Variants in TET1 observed in about 807,000 individuals in gnomAD.
TET1 encodes tet methylcytosine dioxygenase 1.
A neutral mutation model predicts 148.7 loss-of-function variants in TET1; 13 were observed. The ratio of observed to expected loss-of-function variants is 0.09; its 90% confidence interval spans 0.06 to 0.14. The LOEUF is 0.14. TET1 is among the 10% of genes least tolerant of loss of function. The pLI is 1.00. For synonymous variants in TET1, 907 were observed against 937.2 expected (o/e 0.97, Z 0.59); for missense variants, 2,182 against 2,553.8 (o/e 0.85, Z 3.14).
intron 3 of TET1, among the ~76,000 whole-genome samples, chr10:68,606,599 A>C (rs943938554): frequency 7.0e-5 from 10 of 142,880 alleles, no homozygotes; most frequent in African/African-American, 2.4e-4. Flanking sequence ...CAGGGGAAAA[A>C]CAAAAACAAA....
intron 6 of TET1, among the ~76,000 whole-genome samples, chr10:68,662,506 C>G (rs940614735): frequency 2.7e-5 from 4 of 148,044 alleles, no homozygotes; most frequent in Non-Finnish European, 5.9e-5. Context: ...TCCATGAATT[C>G]ACTCTTCATA....
intron 3 of TET1, among the ~76,000 whole-genome samples, chr10:68,635,040 A>C (rs1463111359): frequency 6.6e-6 from 1 of 150,636 alleles, no homozygotes; most frequent in African/African-American, 2.4e-5. Flanking sequence ...TGATCCGCCC[A>C]CCTCAGCCTC....
At chr10:68,597,366 A>T (rs773752571) in intron 2 of TET1, among the ~76,000 whole-genome samples, 47 of 152,116 alleles carry the variant, frequency 3.1e-4, no homozygotes, top group Non-Finnish European at 6.3e-4. Flanking sequence ...CTATCATAAT[A>T]TATCATGGCC....
At chr10:68,608,426 G>T (rs569544065) in intron 3 of TET1, among the ~76,000 whole-genome samples, 1 of 151,162 alleles carries the variant, frequency 6.6e-6, no homozygotes, top group African/African-American at 2.4e-5. Context: ...CAGTAGAGAT[G>T]GGGTTTCACC....
Position 68,691,732 on chromosome 10 carries a change from T to C in TET1, c.6329T>C (p.Leu2110Ser). 6.2e-7 allele frequency: 1 copy of C among 1,614,118 alleles called. No individual in the cohort carries two copies. The highest frequency in any genetic ancestry group is 1.1e-5 in the South Asian group (1 of 91,088). The change falls in exon 12 of 12, where the codon TTA (leucine) becomes TCA (serine). Residue 2110 changes from leucine to serine, a missense_variant. By Grantham distance (145) the Leu-to-Ser change is moderately radical. Transcript: ENST00000373644. This position sits in a 1 kb window ranked among gnomAD's most constrained non-coding sequence, Gnocchi z 4.4. ...AACCAAATTCCTTCTCATAAAGCATTAACATTAACCCATGACAATGTTGTC... is the reference window on the plus strand; with the variant it reads ...AACCAAATTCCTTCTCATAAAGCATCAACATTAACCCATGACAATGTTGTC... Reference protein sequence around the residue: ...ELNQIPSHKALTLTHDNVVTV... With the variant: ...ELNQIPSHKASTLTHDNVVTV...
At chr10:68,588,238 C>T (rs2053881486) in intron 2 of TET1, among the ~76,000 whole-genome samples, 2 of 152,212 alleles carry the variant, frequency 1.3e-5, no homozygotes, top group South Asian at 4.1e-4. Flanking sequence ...CCGCTGCAGA[C>T]TCACAAAGTG....
intron 3 of TET1, chr10:68,632,379 C>A (rs921474395): frequency 1.9e-6 from 3 of 1,603,882 alleles, no homozygotes; most frequent in African/African-American, 1.3e-5. Flanking sequence ...TCATGGCCTC[C>A]ACGCCGGAGC....
chr10:68,624,694 C>CTCTCTTTCTT (rs768656277), intron 3 of TET1, among the ~76,000 whole-genome samples: 1 of 95,872 alleles, frequency 1.0e-5, no homozygotes, highest in African/African-American at 3.8e-5. Context: ...CTCTCTCTCT[C>CTCTCTTTCTT]TCTTTCTTTC....
intron 3 of TET1, among the ~76,000 whole-genome samples, chr10:68,625,173 T>C (rs915582465): frequency 6.6e-6 from 1 of 152,198 alleles, no homozygotes; most frequent in African/African-American, 2.4e-5. Flanking sequence ...ATTTAGAAGG[T>C]CTTAGGTTTT....
chr10:68,690,756 C>G (rs2055578666), intron 11 of TET1, 52 bp from the exon 12 acceptor site: 15 of 1,506,754 alleles, frequency 1.0e-5, no homozygotes, highest in Non-Finnish European at 1.2e-5. Flanking sequence ...TAAAAGGCAA[C>G]CCCTACCAAA....
At position 68,561,142 on chromosome 10, in the gene TET1, A is replaced by G. The variant is rs939486294; in HGVS notation, c.-123+400A>G. 2.3e-4 allele frequency among the ~76,000 whole-genome samples: 35 copies of G among 151,864 alleles called. 1 individual carries two copies. Among genetic ancestry groups the G allele is most frequent in the Admixed American group, 2.2e-3 (33 of 15,266 alleles). Reference sequence around the variant, plus strand: ...GGTTGGTTCCCTGGCCCCTTTGGGGAGTTGGAGGTCGGGGCGCCTCGGGGT... The same window carrying G: ...GGTTGGTTCCCTGGCCCCTTTGGGGGGTTGGAGGTCGGGGCGCCTCGGGGT... On this transcript the variant is annotated intron_variant, in intron 1 of 11. Coordinates refer to ENST00000373644, the MANE Select transcript of TET1 (RefSeq NM_030625.3).
chr10:68,611,858 G>C (rs1164330646), intron 3 of TET1, among the ~76,000 whole-genome samples: 1 of 91,910 alleles, frequency 1.1e-5, no homozygotes, highest in African/African-American at 3.7e-5. Flanking sequence ...GGTGGGGAGA[G>C]AGGGAGAGAG....
rs1183065917 is a variant in TET1, at chr10:68,646,353, T to C, written c.3624T>C (p.Thr1208=). 3 of 1,614,204 alleles carry C rather than the reference T, an allele frequency of 1.9e-6. No individual in the cohort carries two copies. The highest frequency in any genetic ancestry group is 2.2e-5 in the East Asian group (1 of 44,892). The change falls in exon 4 of 12, where the codon ACT becomes ACC. Residue 1208 remains threonine (T), a synonymous_variant. Transcript: ENST00000373644. ...FGQFCPHDFP[T]VFGKISSSTK... Reference sequence around the variant, plus strand: ...AATTTTGTCCACATGATTTTCCTACTGTATTTGGGAAAATTTCTTCCTCGA... The same window carrying C: ...AATTTTGTCCACATGATTTTCCTACCGTATTTGGGAAAATTTCTTCCTCGA...
intron 9 of TET1, among the ~76,000 whole-genome samples, chr10:68,682,298 G>A (rs1463323172): frequency 1.3e-5 from 2 of 151,766 alleles, no homozygotes; most frequent in African/African-American, 4.8e-5. Context: ...TTTTAGTAGA[G>A]ATGGGGTTTC....
chr10:68,631,020 T>A (rs1333134496), intron 3 of TET1, among the ~76,000 whole-genome samples: 3 of 151,738 alleles, frequency 2.0e-5, no homozygotes, highest in African/African-American at 4.8e-5. Flanking sequence ...CTACAAAAAA[T>A]TTTAAAATTA....
At chr10:68,571,824 C>T (rs574236131) in intron 1 of TET1, among the ~76,000 whole-genome samples, 126 of 152,282 alleles carry the variant, frequency 8.3e-4, no homozygotes, top group Non-Finnish European at 1.5e-3. Context: ...TGCTCCTGGT[C>T]CTTACTTTTA....
intron 6 of TET1, among the ~76,000 whole-genome samples, chr10:68,660,573 C>G (rs139122978): frequency 6.6e-6 from 1 of 150,890 alleles, no homozygotes; most frequent in African/African-American, 2.4e-5. Flanking sequence ...AACTCCTGAC[C>G]TCAGGTGATC....
At chr10:68,593,829 G>A (rs1054791266) in intron 2 of TET1, among the ~76,000 whole-genome samples, 2 of 150,732 alleles carry the variant, frequency 1.3e-5, no homozygotes, top group Non-Finnish European at 2.9e-5. Context: ...GGCCTGGCTG[G>A]TCTCCAACTC....
At chr10:68,626,676 G>A (rs1398683749) in intron 3 of TET1, among the ~76,000 whole-genome samples, 3 of 151,616 alleles carry the variant, frequency 2.0e-5, no homozygotes, top group South Asian at 2.1e-4. Flanking sequence ...TCAGCCTCTC[G>A]AGTAGCTGGG....
Sources: gnomAD v4.1 joint callset for allele counts (sites outside exome capture counted in the v4.1 genomes callset) on GRCh38, gnomAD v4.1.1 for gene constraint, Gnocchi (gnomAD v3.1) non-coding constraint, MANE v1.5 for transcripts, NCBI Gene and HGNC (gene_info 2026-07-23, HGNC 2026-07-21) for gene names.